Variants in DNAH8 observed in about 807,000 individuals in gnomAD.
DNAH8 encodes axonemal beta dynein heavy chain 8.
In DNAH8, 382 loss-of-function variants were observed where a neutral mutation model predicts 562.1. The ratio of observed to expected loss-of-function variants is 0.68; its 90% confidence interval spans 0.63 to 0.74. The LOEUF (loss-of-function observed/expected upper bound fraction) is 0.74, where lower values mean the gene tolerates loss of function less well. Among genes scored for constraint, DNAH8 ranks in the 30% least tolerant of loss-of-function variants. The pLI, the probability that DNAH8 is intolerant of heterozygous loss-of-function variation, is 0.00. For missense variants in DNAH8, 5,203 were observed against 5,620.4 expected (o/e 0.93, Z 2.37); for synonymous variants, 1,881 against 1,919.4 (o/e 0.98, Z 0.52).
At chr6:38,895,964 G>A (rs992289519) in intron 59 of DNAH8, 69 bp from the exon 60 acceptor site, 35 of 1,360,066 alleles carry the variant, frequency 2.6e-5, no homozygotes, top group African/African-American at 1.9e-4. Context: ...GAGAAGAGGC[G>A]AAGGGACATG....
chr6:38,886,687 A>G lies in DNAH8; in HGVS notation c.8260-104A>G. On this transcript the variant is annotated intron_variant, in intron 56 of 92. Transcript: ENST00000327475. ...CGACATTCACAAACACTTCATTGAT[A>G]AGAGTTTAATGTTTTCTTCTAATCT... 4 of 905,368 alleles carry G rather than the reference A, an allele frequency of 4.4e-6. No homozygotes were observed. In the South Asian group the frequency reaches 4.6e-5, roughly 10 times the overall value. The allele number at this position is 905,368 out of a possible 1,614,324, so 56.1% of individuals were successfully genotyped here.
chr6:38,866,200 G>A (rs1396012526), intron 45 of DNAH8, among the ~76,000 whole-genome samples: 1 of 152,162 alleles, frequency 6.6e-6, no homozygotes, highest in African/African-American at 2.4e-5. Context: ...AAGCTCATCA[G>A]TATAAAATCC....
chr6:38,723,291 T>G, intron 2 of DNAH8, 46 bp from the exon 3 acceptor site: 1 of 1,579,012 alleles, frequency 6.3e-7, no homozygotes, highest in South Asian at 1.2e-5. Context: ...AGTTTGATAT[T>G]TTTTCTTCAG....
chr6:38,864,139 G>A, intron 45 of DNAH8, 79 bp downstream of exon 45: 1 of 1,287,558 alleles, frequency 7.8e-7, no homozygotes, highest in Non-Finnish European at 1.1e-6. Flanking sequence ...GTGTTAATGG[G>A]TAGATGACCA....
In DNAH8 at chr6:38,911,498, A is replaced by C; in HGVS notation, c.9771A>C (p.Lys3257Asn). Residue 3257 changes from lysine to asparagine, a missense_variant, in exon 66 of 93, where the codon AAA becomes AAC. Physicochemically the swap from Lys to Asn is moderately conservative, Grantham distance 94. Around this residue, in one of 6 missense-constraint regions of DNAH8, gnomAD observed 977 missense variants for 1,061.8 expected, o/e 0.92. Coordinates refer to ENST00000327475, the MANE Select transcript of DNAH8 (RefSeq NM_001206927.2). Reference protein sequence around the residue: ...RYRRRAHVTPKSYLSFINGYK... With the variant: ...RYRRRAHVTPNSYLSFINGYK... ...GCCGAAGAGCACATGTGACTCCCAA[A>C]TCTTACCTCTCATTTATAAATGGTT... The C allele has an allele frequency of 6.2e-7, 1 of 1,613,872 alleles. No individual in the cohort carries two copies. The highest frequency in any genetic ancestry group is 2.2e-5 in the East Asian group (1 of 44,872).
At chr6:38,924,495 A>C (rs2150562643) in intron 73 of DNAH8, among the ~76,000 whole-genome samples, 1 of 147,260 alleles carries the variant, frequency 6.8e-6, no homozygotes, top group African/African-American at 2.4e-5. Context: ...CAAGAGAGAA[A>C]CTCCATCCCC....
At chr6:38,863,561 T>G (rs1776807767) in intron 44 of DNAH8, among the ~76,000 whole-genome samples, 1 of 152,176 alleles carries the variant, frequency 6.6e-6, no homozygotes, top group African/African-American at 2.4e-5. Context: ...CGACCTATCC[T>G]TTACTCCGCT....
chr6:38,992,381 C>CTA (rs1764854198), intron 88 of DNAH8, among the ~76,000 whole-genome samples: 1 of 152,204 alleles, frequency 6.6e-6, no homozygotes, highest in Admixed American at 6.5e-5. Context: ...ATCCCTTGTG[C>CTA]TATAGCAGTG....
intron 12 of DNAH8, among the ~76,000 whole-genome samples, chr6:38,774,969 A>G (rs984378616): frequency 2.0e-5 from 3 of 152,208 alleles, no homozygotes; most frequent in African/African-American, 7.2e-5. Flanking sequence ...GTGGCCATAC[A>G]CAGGGATTCA....
At position 38,982,490 on chromosome 6, in the gene DNAH8, T is replaced by C. The variant is rs1464913433; in HGVS notation, c.12951+28T>C. ...GAGTGAAATTATGCCTTTTTTCCTG[T>C]TTTTATTGCTCTTCTTAAATCAGGG... is the stretch of plus-strand genomic sequence containing the variant. On this transcript the variant is annotated intron_variant, in intron 86 of 92. Transcript: ENST00000327475. The C allele has an allele frequency of 4.5e-6, 5 of 1,108,710 alleles. No individual in the cohort carries two copies. The African/African-American group carries it at 6.1e-5, about 14-fold the overall frequency. 68.7% of individuals were successfully genotyped at this position (1,108,710 alleles called of 1,614,324 possible).
At chr6:38,846,179 G>A (rs1318528592) in intron 36 of DNAH8, among the ~76,000 whole-genome samples, 1 of 152,140 alleles carries the variant, frequency 6.6e-6, no homozygotes, top group African/African-American at 2.4e-5. Context: ...ACCCGTGAGA[G>A]CAATCTACCA....
At chr6:38,980,008 G>C (rs1763922073) in intron 85 of DNAH8, among the ~76,000 whole-genome samples, 1 of 152,116 alleles carries the variant, frequency 6.6e-6, no homozygotes, top group African/African-American at 2.4e-5. Flanking sequence ...TTAGCTGTAT[G>C]AATTTTCATG....
chr6:38,815,416 G>A, intron 25 of DNAH8, 52 bp from the exon 26 acceptor site: 1 of 1,448,768 alleles, frequency 6.9e-7, no homozygotes, highest in East Asian at 2.3e-5. Flanking sequence ...GAAAATTGAG[G>A]GATGGACTGT....
chr6:38,908,148 C>T (rs375580813), intron 64 of DNAH8, 28 bp downstream of exon 64: 19 of 1,390,310 alleles, frequency 1.4e-5, no homozygotes, highest in South Asian at 5.9e-5. Context: ...TTTATATCTA[C>T]GTAGAAAGAG....
chr6:38,754,965 A>G (rs1244320678), intron 9 of DNAH8, among the ~76,000 whole-genome samples: 1 of 152,000 alleles, frequency 6.6e-6, no homozygotes, highest in Non-Finnish European at 1.5e-5. Context: ...TTTTGGTGCC[A>G]TTCGTATGAA....
intron 88 of DNAH8, among the ~76,000 whole-genome samples, chr6:38,991,626 A>G (rs1313061375): frequency 6.6e-6 from 1 of 152,150 alleles, no homozygotes; most frequent in Non-Finnish European, 1.5e-5. Context: ...AAAGTCAAAT[A>G]GTGCCACTGC....
At chr6:38,892,533 A>G (rs546876657) in intron 58 of DNAH8, among the ~76,000 whole-genome samples, 1 of 151,282 alleles carries the variant, frequency 6.6e-6, no homozygotes, top group South Asian at 2.1e-4. Flanking sequence ...AATCTCAGTG[A>G]CCTCCCCTTC....
chr6:38,862,582 G>A (rs150731984), intron 44 of DNAH8, 124 bp downstream of exon 44: 18 of 1,127,416 alleles, frequency 1.6e-5, no homozygotes, highest in Admixed American at 1.1e-4. Context: ...GGGTTGATCC[G>A]TATGATATTG....
At chr6:38,912,030 G>T (rs1780945503) in intron 66 of DNAH8, among the ~76,000 whole-genome samples, 1 of 152,226 alleles carries the variant, frequency 6.6e-6, no homozygotes. Context: ...AAGAGATTGT[G>T]TACCTAAGCA....
Sources: gnomAD v4.1 joint callset for allele counts (sites outside exome capture counted in the v4.1 genomes callset) on GRCh38, gnomAD v4.1.1 for gene constraint, gnomAD v4.1.1 regional missense constraint, MANE v1.5 for transcripts, NCBI Gene and HGNC (gene_info 2026-07-23, HGNC 2026-07-21) for gene names.